The following TAF1B variants were observed in gnomAD, a reference collection of about 807,000 sequenced individuals.
The protein encoded by TAF1B is TATA-box binding protein associated factor, RNA polymerase I subunit B, also known as TATA box-binding protein-associated factor RNA polymerase I subunit B.
A neutral mutation model predicts 83.9 loss-of-function variants in TAF1B; 61 were observed. The observed-to-expected ratio is 0.73, with a 90% CI of 0.59 to 0.90. The LOEUF is 0.90. Ranked by LOEUF, TAF1B falls within the 40% of genes least tolerant of loss-of-function variation. The probability of loss-of-function intolerance (pLI) is 0.00; values close to 1 mark genes in which losing one functional copy is unlikely to be tolerated. For synonymous variants in TAF1B, 221 were observed against 224.6 expected (o/e 0.98, Z 0.14); for missense variants, 625 against 677.0 (o/e 0.92, Z 0.85).
chr2:9,857,896 A>T (rs1191334658), intron 5 of TAF1B, among the ~76,000 whole-genome samples: 1 of 152,172 alleles, frequency 6.6e-6, no homozygotes, highest in Non-Finnish European at 1.5e-5. Context: ...ACATGTGGGG[A>T]TTACAATTCG....
At chr2:9,908,028 CTTTTTTTTTT>C (rs57261740) in intron 9 of TAF1B, among the ~76,000 whole-genome samples, 875 of 71,772 alleles carry the variant, frequency 0.012, 62 homozygotes, top group African/African-American at 0.045. Flanking sequence ...GATCTTAATT[CTTTTTTTTTT>C]TTTTTTTTTT....
chr2:9,866,344 A>G (rs182434282), intron 5 of TAF1B, among the ~76,000 whole-genome samples: 39 of 152,354 alleles, frequency 2.6e-4, no homozygotes, highest in African/African-American at 9.4e-4. Flanking sequence ...AATGCTCATC[A>G]TCACTGGCCA....
intron 12 of TAF1B, among the ~76,000 whole-genome samples, chr2:9,918,765 AAC>A (rs1665778180): frequency 6.6e-6 from 1 of 152,244 alleles, no homozygotes; most frequent in Non-Finnish European, 1.5e-5. Flanking sequence ...TGGTGAAGGA[AAC>A]AGTTTCTATG....
rs548678185 is a variant in TAF1B at position 9,875,106 on chromosome 2, C to T, written c.554-759C>T. On this transcript the variant is annotated intron_variant, in intron 6 of 14. Coordinates refer to ENST00000263663, the MANE Select transcript of TAF1B (RefSeq NM_005680.3). ...CCTCCCAAGTAGCTGGGATTACAGG[C>T]GTCCACCACTACACCCGGCTAATTT... Among the ~76,000 whole-genome samples the T allele has an allele frequency of 1.8e-4, 27 of 152,076 alleles. No individual in the cohort carries two copies. The South Asian group carries it at 4.4e-3, about 25-fold the overall frequency.
intron 8 of TAF1B, among the ~76,000 whole-genome samples, chr2:9,902,182 T>C (rs565189205): frequency 4.2e-4 from 64 of 152,208 alleles, no homozygotes; most frequent in Middle Eastern, 6.8e-3. Context: ...TCTTTCCACC[T>C]TTGTATTTGA....
At chr2:9,866,141 G>A (rs1663968170) in intron 5 of TAF1B, among the ~76,000 whole-genome samples, 1 of 150,006 alleles carries the variant, frequency 6.7e-6, no homozygotes, top group South Asian at 2.1e-4. Flanking sequence ...CCATCAGAGT[G>A]AACAGGCAAC....
Position 9,919,101 on chromosome 2 carries a change from T to TA in TAF1B, c.1339dup (p.Arg447LysfsTer12). On this transcript the variant is annotated frameshift_variant, in exon 13 of 15. Transcript: ENST00000263663. LOFTEE classifies it high-confidence loss of function. ...CATTTGTCGACAAACCAGTAGCATA[T>TA]AAAAAAAGAGGTAAGTCAAATTTTG... 11 of 1,613,728 alleles carry TA rather than the reference T, an allele frequency of 6.8e-6. No individual in the cohort carries two copies. The highest frequency in any genetic ancestry group is 1.7e-5 in the Admixed American group (1 of 59,864).
chr2:9,862,014 C>T (rs1482052724), intron 5 of TAF1B, among the ~76,000 whole-genome samples: 2 of 151,790 alleles, frequency 1.3e-5, no homozygotes, highest in Non-Finnish European at 1.5e-5. Flanking sequence ...AGCAGAAAAA[C>T]TGTAAACTCT....
At position 9,850,400 on chromosome 2, in the gene TAF1B, T is replaced by C. The variant is rs544587048; in HGVS notation, c.205+940T>C. ...AGGAACACAGACTCAAAATTTAAAATACAACTTTATCAGTTTCTAAGAACA... is the reference window on the plus strand; with the variant it reads ...AGGAACACAGACTCAAAATTTAAAACACAACTTTATCAGTTTCTAAGAACA... On this transcript the variant is annotated intron_variant, in intron 3 of 14. Coordinates refer to ENST00000263663, the MANE Select transcript of TAF1B (RefSeq NM_005680.3). Among the ~76,000 whole-genome samples, 7 of 152,272 alleles carry C rather than the reference T, an allele frequency of 4.6e-5. No individual in the cohort carries two copies. In the East Asian group the frequency reaches 1.4e-3, roughly 29 times the overall value.
At chr2:9,908,705 C>T (rs1348653853) in intron 9 of TAF1B, among the ~76,000 whole-genome samples, 4 of 152,184 alleles carry the variant, frequency 2.6e-5, no homozygotes, top group East Asian at 3.8e-4. Context: ...ATTCAGGTGA[C>T]ACCTGTAAAT....
At chr2:9,888,127 CCT>C (rs1376843335) in intron 8 of TAF1B, among the ~76,000 whole-genome samples, 1 of 152,070 alleles carries the variant, frequency 6.6e-6, no homozygotes, top group African/African-American at 2.4e-5. Context: ...ATTAACTATA[CCT>C]CTCTGTGTTT....
At chr2:9,886,209 C>CAAA (rs200539806) in intron 8 of TAF1B, among the ~76,000 whole-genome samples, 56 of 145,142 alleles carry the variant, frequency 3.9e-4, no homozygotes, top group East Asian at 1.4e-3. Context: ...CTGTTTGGAT[C>CAAA]AAAAAAAAAA....
chr2:9,919,738 C>G lies in TAF1B; in HGVS notation c.1483C>G (p.Gln495Glu). 3 of 1,614,152 alleles carry G rather than the reference C, an allele frequency of 1.9e-6. No individual in the cohort carries two copies. The highest frequency in any genetic ancestry group is 2.5e-6 in the Non-Finnish European group (3 of 1,180,022). Residue 495 changes from glutamine to glutamate, a missense_variant, in exon 14 of 15, where the codon CAG becomes GAG. Transcript: ENST00000263663. ...AACGTGTTTCCATGGACACAGCCTT[C>G]AGGGAGTCCTGAAAGAGAAAGGCCA... ...DRTCFHGHSL[Q>E]GVLKEKGQSL...
rs1553287572 is a variant in TAF1B at position 9,885,752 on chromosome 2, C to CA, written c.807+2948dup. Among the ~76,000 whole-genome samples, 921 of 139,068 alleles carry CA rather than the reference C, an allele frequency of 6.6e-3. 17 individuals are homozygous for CA. The highest frequency in any genetic ancestry group is 0.018 in the Middle Eastern group (5 of 274). The allele number at this position is 139,068 out of a possible 152,430, so 91.2% of individuals were successfully genotyped here. ...CCTTCTTTCTCCCCACGCCCCCCCC[C>CA]ACTTTGTCCTTCTCTCCCTTAATCT... On this transcript the variant is annotated intron_variant, in intron 8 of 14. Coordinates refer to ENST00000263663, the MANE Select transcript of TAF1B (RefSeq NM_005680.3).
intron 11 of TAF1B, 38 bp downstream of exon 11, chr2:9,911,595 A>G (rs1665535812): frequency 7.2e-7 from 1 of 1,381,602 alleles, no homozygotes; most frequent in South Asian, 1.4e-5. Context: ...CAAAGTGGTT[A>G]TAGATGATAG....
intron 14 of TAF1B, among the ~76,000 whole-genome samples, chr2:9,932,268 A>G (rs1666237893): frequency 6.6e-6 from 1 of 152,134 alleles, no homozygotes; most frequent in Non-Finnish European, 1.5e-5. Context: ...TAGAATTTTC[A>G]GCTTTTCTGC....
chr2:9,872,031 A>G (rs916616883), intron 6 of TAF1B, among the ~76,000 whole-genome samples: 5 of 152,106 alleles, frequency 3.3e-5, no homozygotes, highest in Admixed American at 6.6e-5. Flanking sequence ...ATTTGGGATA[A>G]GAATCTGGAT....
chr2:9,867,077 A>G (rs1404696964), intron 5 of TAF1B, among the ~76,000 whole-genome samples: 9 of 152,338 alleles, frequency 5.9e-5, no homozygotes, highest in Admixed American at 3.3e-4. Context: ...CCTAAAACTT[A>G]AAGTATAATA....
chr2:9,893,276 T>C (rs1664924978), intron 8 of TAF1B, among the ~76,000 whole-genome samples: 1 of 152,220 alleles, frequency 6.6e-6, no homozygotes, highest in African/African-American at 2.4e-5. Context: ...TGTAATTTTA[T>C]TTCTGCGTCA....
Sources: gnomAD v4.1 joint callset for allele counts (sites outside exome capture counted in the v4.1 genomes callset) on GRCh38, gnomAD v4.1.1 for gene constraint, MANE v1.5 for transcripts, NCBI Gene and HGNC (gene_info 2026-07-23, HGNC 2026-07-21) for gene names.